Variants in NMT1 observed in about 807,000 individuals in gnomAD.
NMT1 encodes glycylpeptide N-tetradecanoyltransferase 1.
A neutral mutation model predicts 63.4 loss-of-function variants in NMT1; 12 were observed. The observed-to-expected ratio is 0.19, with a 90% CI of 0.12 to 0.31. NMT1 has a LOEUF of 0.31. NMT1 is among the 10% of genes least tolerant of loss of function. The pLI, the probability that NMT1 is intolerant of heterozygous loss-of-function variation, is 1.00. For synonymous variants in NMT1, 228 were observed against 234.3 expected (o/e 0.97, Z 0.25); for missense variants, 432 against 634.6 (o/e 0.68, Z 3.43).
chr17:45,095,402 C>A (rs970803398), intron 4 of NMT1, among the ~76,000 whole-genome samples: 1 of 152,168 alleles, frequency 6.6e-6, no homozygotes, highest in African/African-American at 2.4e-5. Flanking sequence ...GCCACCACAC[C>A]GGGCCAACAG....
chr17:45,091,657 G>C, intron 3 of NMT1, among the ~76,000 whole-genome samples: 1 of 152,238 alleles, frequency 6.6e-6, no homozygotes, highest in African/African-American at 2.4e-5. Flanking sequence ...GCTCAAAAAT[G>C]TTTTTTTAAT....
At position 45,098,377 on chromosome 17, in the gene NMT1, C is replaced by T. The variant is rs778550743; in HGVS notation, c.714-5C>T. 6.2e-7 allele frequency: 1 copy of T among 1,613,302 alleles called. No homozygotes were observed. The highest frequency in any genetic ancestry group is 1.1e-5 in the South Asian group (1 of 91,042). ...CCTTGTCACCTGGATTTTTCCCCCT[C>T]TTAGAGAGAAGAAGATGGTAGAGAT... On this transcript the variant is annotated splice_region_variant and splice_polypyrimidine_tract_variant and intron_variant, in intron 6 of 11. Coordinates refer to ENST00000258960, the MANE Select transcript of NMT1 (RefSeq NM_021079.5).
Position 45,104,746 on chromosome 17 carries a change from A to G in NMT1, c.1333-113A>G, listed in dbSNP as rs2054191955. 6.5e-7 allele frequency: 1 copy of G among 1,535,048 alleles called. No individual in the cohort carries two copies. Among genetic ancestry groups the G allele is most frequent in the Admixed American group, 2.0e-5 (1 of 50,192 alleles). On this transcript the variant is annotated intron_variant, in intron 10 of 11. Transcript: ENST00000258960. This position sits in a 1 kb window ranked among gnomAD's most constrained non-coding sequence, Gnocchi z 4.2. Reference sequence around the variant, plus strand: ...TGGAAGCAGCGGAGCTTCTGAGGGAACCTTGTTCTTGTGGCTGCCCACAGG... The same window carrying G: ...TGGAAGCAGCGGAGCTTCTGAGGGAGCCTTGTTCTTGTGGCTGCCCACAGG...
chr17:45,066,700 T>A (rs974615197), intron 1 of NMT1, among the ~76,000 whole-genome samples: 13 of 152,158 alleles, frequency 8.5e-5, no homozygotes, highest in Admixed American at 1.3e-4. Flanking sequence ...AAAAATTTTT[T>A]AATTTAATTT....
At chr17:45,081,133 TC>T (rs1259777339) in intron 1 of NMT1, among the ~76,000 whole-genome samples, 1 of 152,202 alleles carries the variant, frequency 6.6e-6, no homozygotes, top group Non-Finnish European at 1.5e-5. Flanking sequence ...TGTGCCTTTT[TC>T]CTCATCCCTC....
chr17:45,070,459 C>G (rs2053932747), intron 1 of NMT1, among the ~76,000 whole-genome samples: 3 of 152,124 alleles, frequency 2.0e-5, no homozygotes. Context: ...GCTCTGTCAC[C>G]CAGGCTGGAG....
At chr17:45,100,849 C>A (rs2054157491) in intron 8 of NMT1, among the ~76,000 whole-genome samples, 1 of 85,376 alleles carries the variant, frequency 1.2e-5, no homozygotes. Flanking sequence ...GGCAACAGAG[C>A]AAGACTCCGT....
At chr17:45,078,799 A>G (rs1298933815) in intron 1 of NMT1, among the ~76,000 whole-genome samples, 1 of 151,936 alleles carries the variant, frequency 6.6e-6, no homozygotes, top group African/African-American at 2.4e-5. Flanking sequence ...AGTAGTTGGG[A>G]CTACAAGTGT....
chr17:45,062,433 G>A (rs1344315285), intron 1 of NMT1, among the ~76,000 whole-genome samples: 2 of 152,170 alleles, frequency 1.3e-5, no homozygotes, highest in Non-Finnish European at 2.9e-5. Context: ...TGTATAACTT[G>A]CTGAGTCTGA....
intron 3 of NMT1, among the ~76,000 whole-genome samples, chr17:45,091,187 GACACACACACACACACACAC>G (rs3062356): frequency 5.0e-5 from 6 of 121,056 alleles, no homozygotes; most frequent in East Asian, 2.6e-4. Flanking sequence ...GGTCTTTCCT[GACACACACACACACACACAC>G]ACACACACAC....
At chr17:45,079,621 A>G (rs2054001085) in intron 1 of NMT1, among the ~76,000 whole-genome samples, 1 of 152,238 alleles carries the variant, frequency 6.6e-6, no homozygotes. Context: ...ATGTAGGGGA[A>G]AGCAGCACAA....
chr17:45,103,667 C>G lies in NMT1; in HGVS notation c.1165-42C>G. 6.4e-7 allele frequency: 1 copy of G among 1,572,584 alleles called. No individual in the cohort carries two copies. The highest frequency in any genetic ancestry group is 1.4e-5 in the African/African-American group (1 of 73,864). On this transcript the variant is annotated intron_variant, in intron 9 of 11. Transcript: ENST00000258960. This position sits in a 1 kb window ranked among gnomAD's most constrained non-coding sequence, Gnocchi z 4.8. ...ATTTTGTTCCCGGGCCGCAGTGCCA[C>G]TGTGCATGCTTGACATTGCCTCTTT...
At position 45,103,955 on chromosome 17, in the gene NMT1, G is replaced by A. The variant is rs758359703; in HGVS notation, c.1332+79G>A. ...CCATGGTGAGCACAGCTCCCGGGACGCAGCCTCCCATGGGCTGGAGGCTCT... is the reference window on the plus strand; with the variant it reads ...CCATGGTGAGCACAGCTCCCGGGACACAGCCTCCCATGGGCTGGAGGCTCT... On this transcript the variant is annotated intron_variant, in intron 10 of 11. Coordinates refer to ENST00000258960, the MANE Select transcript of NMT1 (RefSeq NM_021079.5). This position sits in a 1 kb window ranked among gnomAD's most constrained non-coding sequence, Gnocchi z 4.8. 1.7e-5 allele frequency: 28 copies of A among 1,602,632 alleles called. No homozygotes were observed. The highest frequency in any genetic ancestry group is 2.3e-5 in the Non-Finnish European group (27 of 1,179,728).
At chr17:45,063,062 G>C (rs1279492861) in intron 1 of NMT1, among the ~76,000 whole-genome samples, 1 of 151,834 alleles carries the variant, frequency 6.6e-6, no homozygotes, top group African/African-American at 2.4e-5. Context: ...AAATTTAGCC[G>C]GGCGTGGTGG....
rs906689685 is a variant in NMT1 at position 45,106,484 on chromosome 17, G to A, written c.*845G>A. 3.9e-5 allele frequency: 6 copies of A among 152,628 alleles called. No individual in the cohort carries two copies. Among genetic ancestry groups the A allele is most frequent in the African/African-American group, 1.4e-4 (6 of 41,476 alleles). 9.5% of individuals were successfully genotyped at this position (152,628 alleles called of 1,614,324 possible). A position where few individuals can be genotyped will look rare whatever the true frequency, so the allele number is the denominator to read the frequency against. ...CCAACCTTATAGGGATGAGTCCCCT[G>A]TGAGATTTTGCTTTTCCACTGCCTG... On this transcript the variant is annotated 3_prime_UTR_variant, in exon 12 of 12. Transcript: ENST00000258960.
At chr17:45,088,552 C>T (rs909077446) in intron 3 of NMT1, among the ~76,000 whole-genome samples, 1 of 152,072 alleles carries the variant, frequency 6.6e-6, no homozygotes, top group Non-Finnish European at 1.5e-5. Context: ...GTCAGGAGTT[C>T]GAGACCAGCC....
At chr17:45,089,217 A>G (rs1178052111) in intron 3 of NMT1, among the ~76,000 whole-genome samples, 1 of 152,086 alleles carries the variant, frequency 6.6e-6, no homozygotes, top group African/African-American at 2.4e-5. Context: ...TTTTCACTTA[A>G]TTGGAGGACT....
rs1401993695 is a variant in NMT1 at position 45,104,901 on chromosome 17, A to G, written c.1375A>G (p.Lys459Glu). The change falls in exon 11 of 12, where the codon AAA becomes GAA. Residue 459 changes from lysine (K) to glutamate (E), a missense_variant. Lys to Glu is a moderately conservative substitution (Grantham distance 56). Around this residue, in one of 4 missense-constraint regions of NMT1, gnomAD observed 295 missense variants for 489.7 expected, o/e 0.60. Transcript: ENST00000258960. This position sits in a 1 kb window ranked among gnomAD's most constrained non-coding sequence, Gnocchi z 4.2. The stretch of plus-strand genomic sequence containing the variant: ...CAATGCACTGGATCTCATGGAGAAC[A>G]AAACCTTCCTGGAGAAGCTCAAGTT... ...VFNALDLMENKTFLEKLKFGI... is the reference protein window; with the variant it reads ...VFNALDLMENETFLEKLKFGI... 6.2e-7 allele frequency: 1 copy of G among 1,614,234 alleles called. No individual in the cohort carries two copies.
chr17:45,104,714 A>AT lies in NMT1; in HGVS notation c.1333-143dup, dbSNP rs1378415070. 5 of 1,469,348 alleles carry AT rather than the reference A, an allele frequency of 3.4e-6. No homozygotes were observed. The highest frequency in any genetic ancestry group is 3.6e-6 in the Non-Finnish European group (4 of 1,112,104). 91.0% of individuals were successfully genotyped at this position (1,469,348 alleles called of 1,614,324 possible). On this transcript the variant is annotated intron_variant, in intron 10 of 11. Transcript: ENST00000258960. The surrounding 1 kb of genome is among the most constrained non-coding windows in gnomAD (Gnocchi z 4.2). ...CCTGAGAACCACCCGGAGAGCGGGG[A>AT]TTAACGTGGAAGCAGCGGAGCTTCT... is the stretch of plus-strand genomic sequence containing the variant.
Sources: allele counts gnomAD v4.1 joint callset (sites outside exome capture counted in the v4.1 genomes callset), GRCh38; gene constraint gnomAD v4.1.1; regional missense constraint gnomAD v4.1.1; non-coding constraint Gnocchi (gnomAD v3.1); transcripts MANE v1.5; gene names NCBI Gene and HGNC (gene_info 2026-07-23, HGNC 2026-07-21).